The following CNTN3 variants were observed in gnomAD, a reference collection of about 807,000 sequenced individuals.
CNTN3 encodes the protein contactin 3.
In CNTN3, 60 loss-of-function variants were observed where a neutral mutation model predicts 119.1. That is an observed-to-expected ratio of 0.50 (90% CI 0.41 to 0.62). The LOEUF is 0.62. CNTN3 is among the 20% of genes least tolerant of loss of function. CNTN3 has a pLI of 0.00. For missense variants in CNTN3, 1,101 were observed against 1,242.4 expected (o/e 0.89, Z 1.71); for synonymous variants, 450 against 438.7 (o/e 1.03, Z -0.32).
At chr3:74,360,781 A>T (rs1704056865) in intron 11 of CNTN3, among the ~76,000 whole-genome samples, 1 of 151,846 alleles carries the variant, frequency 6.6e-6, no homozygotes, top group Non-Finnish European at 1.5e-5. Context: ...AGCCAGCAAC[A>T]CTCATCAGGG....
At chr3:74,421,894 G>T (rs565365124) in intron 5 of CNTN3, among the ~76,000 whole-genome samples, 1 of 152,332 alleles carries the variant, frequency 6.6e-6, no homozygotes, top group African/African-American at 2.4e-5. Context: ...GATACCAGCT[G>T]CTGTGGACAG....
At chr3:74,395,133 T>A (rs980974139) in intron 5 of CNTN3, among the ~76,000 whole-genome samples, 2 of 152,176 alleles carry the variant, frequency 1.3e-5, no homozygotes, top group African/African-American at 2.4e-5. Flanking sequence ...TGTCTTTTGC[T>A]GTTTCTCCTA....
intron 4 of CNTN3, among the ~76,000 whole-genome samples, chr3:74,459,955 G>T (rs1361419620): frequency 6.6e-6 from 1 of 151,902 alleles, no homozygotes; most frequent in African/African-American, 2.4e-5. Flanking sequence ...GCACACAGTG[G>T]TTTCAAATAT....
chr3:74,490,708 T>G (rs1054422926), intron 3 of CNTN3, among the ~76,000 whole-genome samples: 1 of 152,194 alleles, frequency 6.6e-6, no homozygotes, highest in Non-Finnish European at 1.5e-5. Context: ...CTTCCTTTAG[T>G]TCGGTCTTCA....
intron 19 of CNTN3, among the ~76,000 whole-genome samples, chr3:74,293,148 C>G (rs1575703137): frequency 2.6e-5 from 4 of 152,294 alleles, no homozygotes; most frequent in Admixed American, 2.6e-4. Flanking sequence ...TATACACTAA[C>G]AAGACCTAGT....
At chr3:74,400,529 T>G (rs1157291921) in intron 5 of CNTN3, among the ~76,000 whole-genome samples, 1 of 152,186 alleles carries the variant, frequency 6.6e-6, no homozygotes, top group East Asian at 1.9e-4. Context: ...TCAGAAAGTT[T>G]TATACGAACG....
At chr3:74,579,608 A>G (rs1336915373) in intron 1 of CNTN3, among the ~76,000 whole-genome samples, 2 of 152,184 alleles carry the variant, frequency 1.3e-5, no homozygotes, top group African/African-American at 2.4e-5. Flanking sequence ...TAGAAATAAC[A>G]AAGGGTAAAC....
intron 1 of CNTN3, among the ~76,000 whole-genome samples, chr3:74,597,211 A>G (rs1704827695): frequency 1.3e-5 from 2 of 152,106 alleles, no homozygotes; most frequent in Non-Finnish European, 2.9e-5. Context: ...TAGTTCTAAA[A>G]CAGAAAATCA....
In CNTN3 at chr3:74,364,600, G is replaced by A. The variant is rs759214173; in HGVS notation, c.1084-4C>T. 6.3e-7 allele frequency: 1 copy of A among 1,596,584 alleles called. No homozygotes were observed. The highest frequency in any genetic ancestry group is 8.6e-7 in the Non-Finnish European group (1 of 1,166,304). ...CATTTTCTATCTGTGTTCTCTCCTA[G>A]ATGATAATAAAAATATCTTTCATAT... On this transcript the variant is annotated splice_region_variant and splice_polypyrimidine_tract_variant and intron_variant, in intron 9 of 22. Transcript: ENST00000263665.
chr3:74,429,167 T>C (rs1264116707), intron 4 of CNTN3, among the ~76,000 whole-genome samples: 3 of 150,150 alleles, frequency 2.0e-5, no homozygotes. Flanking sequence ...GGTTTGTTCT[T>C]TTTTTTTTGT....
At chr3:74,381,743 G>A (rs77089269) in intron 5 of CNTN3, among the ~76,000 whole-genome samples, 2,910 of 152,006 alleles carry the variant, frequency 0.019, 47 homozygotes, top group Admixed American at 0.027. Context: ...GTCTTTCAAA[G>A]CCTGAAAAAA....
At chr3:74,477,510 A>G (rs1005744441) in intron 4 of CNTN3, among the ~76,000 whole-genome samples, 7 of 152,152 alleles carry the variant, frequency 4.6e-5, no homozygotes, top group Non-Finnish European at 8.8e-5. Context: ...CAAACACTGC[A>G]TATTATTTGT....
At chr3:74,410,927 C>T (rs1429786884) in intron 5 of CNTN3, among the ~76,000 whole-genome samples, 6 of 152,118 alleles carry the variant, frequency 3.9e-5, no homozygotes, top group African/African-American at 1.4e-4. Context: ...GACCCACTAA[C>T]GTATCAATAA....
intron 4 of CNTN3, among the ~76,000 whole-genome samples, chr3:74,431,535 T>TA (rs1425748260): frequency 1.3e-5 from 2 of 152,168 alleles, no homozygotes. Context: ...TCAGGGACCT[T>TA]AATATAAACT....
chr3:74,412,311 T>C (rs550714062), intron 5 of CNTN3, among the ~76,000 whole-genome samples: 26 of 152,288 alleles, frequency 1.7e-4, no homozygotes, highest in African/African-American at 6.0e-4. Context: ...CTAAGAAAAG[T>C]AATGATGCAA....
intron 13 of CNTN3, among the ~76,000 whole-genome samples, chr3:74,319,868 G>C (rs1450489684): frequency 6.6e-6 from 1 of 150,730 alleles, no homozygotes; most frequent in Non-Finnish European, 1.5e-5. Context: ...GAGATGAACA[G>C]ACACTTCTCA....
chr3:74,462,547 T>C (rs34223336), intron 4 of CNTN3, among the ~76,000 whole-genome samples: 82,945 of 151,470 alleles, frequency 0.55, 23,066 homozygotes, highest in African/African-American at 0.58. Context: ...ACAAATTAGA[T>C]TGGATATCAG....
chr3:74,593,626 AAG>A (rs2106690902), intron 1 of CNTN3, among the ~76,000 whole-genome samples: 1 of 152,072 alleles, frequency 6.6e-6, no homozygotes, highest in African/African-American at 2.4e-5. Context: ...TTAATTTCAC[AAG>A]AGTTATGACA....
intron 5 of CNTN3, among the ~76,000 whole-genome samples, chr3:74,375,963 C>G (rs1704465819): frequency 6.6e-6 from 1 of 152,034 alleles, no homozygotes; most frequent in Non-Finnish European, 1.5e-5. Flanking sequence ...CTGTAATCAC[C>G]AGGGTCCTTA....
Sources: gnomAD v4.1 joint callset for allele counts (sites outside exome capture counted in the v4.1 genomes callset) on GRCh38, gnomAD v4.1.1 for gene constraint, MANE v1.5 for transcripts, NCBI Gene and HGNC (gene_info 2026-07-23, HGNC 2026-07-21) for gene names.